Variants in CD59 observed in about 807,000 individuals in gnomAD.
CD59 encodes the protein CD59 molecule (CD59 blood group), also known as CD59 glycoprotein.
A neutral mutation model predicts 7.0 loss-of-function variants in CD59; 3 were observed. That is an observed-to-expected ratio of 0.43 (90% CI 0.19 to 1.10). The LOEUF (loss-of-function observed/expected upper bound fraction) is 1.10. CD59 is among the 50% of genes least tolerant of loss of function. The pLI is 0.29. For synonymous variants in CD59, 60 were observed against 62.0 expected, an observed-to-expected ratio of 0.97 and a Z score of 0.15; for missense variants, 143 against 151.0, an observed-to-expected ratio of 0.95 and a Z score of 0.28.
At chr11:33,714,959 G>C (rs940007592) in intron 3 of CD59, among the ~76,000 whole-genome samples, 1 of 101,888 alleles carries the variant, frequency 9.8e-6, no homozygotes, top group African/African-American at 3.7e-5. Flanking sequence ...TTTTTCTTTT[G>C]TAGAGACAGA....
chr11:33,711,500 C>A, intron 3 of CD59: 1 of 662,660 alleles, frequency 1.5e-6, no homozygotes, highest in Non-Finnish European at 2.7e-6. Context: ...TAGTGATATC[C>A]CAACTCTACA....
chr11:33,729,564 T>C (rs1429366076), intron 1 of CD59, among the ~76,000 whole-genome samples: 1 of 151,984 alleles, frequency 6.6e-6, no homozygotes, highest in African/African-American at 2.4e-5. Context: ...ATACCTAATG[T>C]AAACGACAAG....
intron 2 of CD59, 180 bp from the exon 3 acceptor site, chr11:33,717,651 G>C: frequency 1.6e-6 from 1 of 617,088 alleles, no homozygotes; most frequent in South Asian, 1.7e-5. Context: ...ACATTTTTTG[G>C]ACCCTGATGC....
rs1392727326 is a variant in CD59 at position 33,716,849 on chromosome 11, G to A, written c.169+521C>T. Reference sequence around the variant, plus strand: ...ACCTCCTACGTGTCCTTTGAGCTCAGCTTGAGTCTCCTCAGGACTCTGAAT... The same window carrying A: ...ACCTCCTACGTGTCCTTTGAGCTCAACTTGAGTCTCCTCAGGACTCTGAAT... On this transcript the variant is annotated intron_variant, in intron 3 of 3. Coordinates refer to ENST00000642928, the MANE Select transcript of CD59 (RefSeq NM_000611.6). 2.0e-5 allele frequency among the ~76,000 whole-genome samples: 3 copies of A among 152,162 alleles called. No individual in the cohort carries two copies. In the South Asian group the frequency reaches 6.2e-4, roughly 32 times the overall value.
rs1443184058 is a variant in CD59 at position 33,707,553 on chromosome 11, T to C, written c.*2573A>G. ...CAATGGGCTTATCACCACCCAATACTGAACACTATGACAGTTCCTGTAAAT... is the reference window on the plus strand; with the variant it reads ...CAATGGGCTTATCACCACCCAATACCGAACACTATGACAGTTCCTGTAAAT... On this transcript the variant is annotated 3_prime_UTR_variant, in exon 4 of 4. Coordinates refer to ENST00000642928, the MANE Select transcript of CD59 (RefSeq NM_000611.6). The C allele has an allele frequency of 6.6e-6, 1 of 152,296 alleles. No homozygotes were observed. The highest frequency in any genetic ancestry group is 2.1e-4 in the South Asian group (1 of 4,838). 9.4% of individuals were successfully genotyped at this position (152,296 alleles called of 1,614,324 possible).
At chr11:33,730,231 G>C (rs544556285) in intron 1 of CD59, among the ~76,000 whole-genome samples, 2 of 151,452 alleles carry the variant, frequency 1.3e-5, no homozygotes, top group African/African-American at 4.9e-5. Flanking sequence ...AGTTTGAGAC[G>C]AGACTGGCAA....
intron 2 of CD59, among the ~76,000 whole-genome samples, chr11:33,721,659 C>T (rs1854068454): frequency 6.6e-6 from 1 of 152,166 alleles, no homozygotes; most frequent in Non-Finnish European, 1.5e-5. Context: ...CCTCCAGCAA[C>T]CAGGGGAGGG....
Position 33,722,409 on chromosome 11 carries a change from G to A in CD59, c.37C>T (p.Leu13=), listed in dbSNP as rs1406884887. Residue 13 remains leucine, a synonymous_variant, in exon 2 of 4, where the codon CTG becomes TTG. Transcript: ENST00000642928. ...IQGGSVLFGL[L]LVLAVFCHSG... ...TGGCAGAAGACAGCCAGGACGAGCA[G>A]CAGCCCGAACAGGACAGACCCTCCT... The A allele has an allele frequency of 6.2e-7, 1 of 1,614,032 alleles. No individual in the cohort carries two copies. Among genetic ancestry groups the A allele is most frequent in the South Asian group, 1.1e-5 (1 of 91,078 alleles).
At chr11:33,712,340 T>A (rs1416637712) in intron 3 of CD59, among the ~76,000 whole-genome samples, 1 of 152,214 alleles carries the variant, frequency 6.6e-6, no homozygotes, top group Non-Finnish European at 1.5e-5. Context: ...TGAATGTTCA[T>A]GGCACCATGA....
At chr11:33,723,233 A>G (rs1187749176) in intron 1 of CD59, among the ~76,000 whole-genome samples, 2 of 152,212 alleles carry the variant, frequency 1.3e-5, no homozygotes, top group East Asian at 3.9e-4. Flanking sequence ...CAGTGCCTGT[A>G]AACCAGGGTA....
At chr11:33,720,535 C>T (rs541343209) in intron 2 of CD59, among the ~76,000 whole-genome samples, 3 of 151,892 alleles carry the variant, frequency 2.0e-5, no homozygotes, top group Non-Finnish European at 2.9e-5. Context: ...CCCGCCTCTA[C>T]TAAAAATACA....
At chr11:33,715,561 C>T (rs1457462891) in intron 3 of CD59, among the ~76,000 whole-genome samples, 9 of 152,138 alleles carry the variant, frequency 5.9e-5, no homozygotes, top group Non-Finnish European at 1.3e-4. Context: ...GATTGCACCA[C>T]TGCCCTCTAG....
In CD59 at chr11:33,707,748, C is replaced by A. The variant is rs953246433; in HGVS notation, c.*2378G>T. On this transcript the variant is annotated 3_prime_UTR_variant, in exon 4 of 4. Transcript: ENST00000642928. ...GTCAGTTGGAGGATGTAGCTGTCGG[C>A]CTGGTAGCCAGGTGGGCTTGCTAAT... The A allele has an allele frequency of 6.6e-6, 1 of 152,222 alleles. No individual in the cohort carries two copies. The highest frequency in any genetic ancestry group is 1.9e-4 in the East Asian group (1 of 5,198). 9.4% of individuals were successfully genotyped at this position (152,222 alleles called of 1,614,324 possible). A position where few individuals can be genotyped will look rare whatever the true frequency, so the allele number is the denominator to read the frequency against.
At chr11:33,734,825 A>G (rs1387153066) in intron 1 of CD59, among the ~76,000 whole-genome samples, 2 of 152,236 alleles carry the variant, frequency 1.3e-5, no homozygotes, top group Non-Finnish European at 2.9e-5. Context: ...AGGTTCTTAA[A>G]GAGGTGGCCC....
At chr11:33,715,048 A>T (rs897537318) in intron 3 of CD59, among the ~76,000 whole-genome samples, 8 of 151,760 alleles carry the variant, frequency 5.3e-5, no homozygotes, top group Non-Finnish European at 1.2e-4. Flanking sequence ...GGTTCAAGCA[A>T]TTCTTCTGCC....
chr11:33,731,305 C>A (rs1250478069), intron 1 of CD59: 1 of 142,710 alleles, frequency 7.0e-6, no homozygotes, highest in Non-Finnish European at 1.6e-5. Flanking sequence ...TATACACACA[C>A]AAATACACAT....
In CD59 at chr11:33,728,264, C is replaced by T. The variant is rs559410553; in HGVS notation, c.-18-5801G>A. On this transcript the variant is annotated intron_variant, in intron 1 of 3. Coordinates refer to ENST00000642928, the MANE Select transcript of CD59 (RefSeq NM_000611.6). ...CTGGAGGCATCACGCTACCTGACTT[C>T]AAACTATACTACAAGGCTACAGTAA... Among the ~76,000 whole-genome samples the T allele has an allele frequency of 3.0e-3, 458 of 152,312 alleles. 1 individual carries two copies. The highest frequency in any genetic ancestry group is 0.011 in the African/African-American group (444 of 41,568).
chr11:33,717,299 A>C, intron 3 of CD59, 71 bp downstream of exon 3: 1 of 892,524 alleles, frequency 1.1e-6, no homozygotes, highest in Non-Finnish European at 1.9e-6. Context: ...TGAGGATTAC[A>C]GTGGCACAAT....
At position 33,722,551 on chromosome 11, in the gene CD59, C is replaced by T. The variant is rs1431682348; in HGVS notation, c.-18-88G>A. 3 of 1,561,910 alleles carry T rather than the reference C, an allele frequency of 1.9e-6. No homozygotes were observed. The East Asian group carries it at 7.1e-5, about 37-fold the overall frequency. On this transcript the variant is annotated intron_variant, in intron 1 of 3. Transcript: ENST00000642928. ...ACCAAGGGCTGGAAGGCCAAGAAGG[C>T]TTCTGAGAGGAACATTTACAGGGGG...
Sources: gnomAD v4.1 joint callset for allele counts (sites outside exome capture counted in the v4.1 genomes callset) on GRCh38, gnomAD v4.1.1 for gene constraint, MANE v1.5 for transcripts, NCBI Gene and HGNC (gene_info 2026-07-23, HGNC 2026-07-21) for gene names.